HUWE1: variants seen among roughly 807,000 people sequenced by gnomAD.
The protein encoded by HUWE1 is E3 ubiquitin-protein ligase HUWE1.
Under a neutral mutation model 299.4 loss-of-function variants are expected in HUWE1, and 18 were observed. That is an observed-to-expected ratio of 0.06 (90% confidence interval 0.04 to 0.09). HUWE1 has a LOEUF of 0.09. Among genes scored for constraint, HUWE1 ranks in the 10% least tolerant of loss-of-function variants. The pLI, the probability that HUWE1 is intolerant of heterozygous loss-of-function variation, is 1.00. For missense variants in HUWE1, 1,832 were observed against 3,462.3 expected, an observed-to-expected ratio of 0.53 and a Z score of 11.82; for synonymous variants, 1,317 against 1,286.1, an observed-to-expected ratio of 1.02 and a Z score of -0.51.
intron 3 of HUWE1, among the ~76,000 whole-genome samples, chrX:53,664,185 G>A (rs1205581541): frequency 9.0e-6 from 1 of 110,846 alleles, no homozygotes; most frequent in East Asian, 2.8e-4. Context: ...AGAGTAGCTG[G>A]GACCACAGGC....
At chrX:53,665,184 T>C (rs184504363) in intron 3 of HUWE1, among the ~76,000 whole-genome samples, 1 of 111,633 alleles carries the variant, frequency 9.0e-6, no homozygotes, top group Non-Finnish European at 1.9e-5. Context: ...CTCCCTATCC[T>C]TAGCCACATA....
chrX:53,538,589 G>C, intron 76 of HUWE1, 135 bp from the exon 77 acceptor site: 1 of 564,173 alleles, frequency 1.8e-6, no homozygotes, highest in Non-Finnish European at 3.0e-6. Context: ...CAAAACCAAG[G>C]GCCAGCCCTT....
chrX:53,568,251 C>T (rs1468931813), intron 49 of HUWE1, among the ~76,000 whole-genome samples: 2 of 110,906 alleles, frequency 1.8e-5, no homozygotes, highest in Non-Finnish European at 3.8e-5. Flanking sequence ...AAAATAAAAA[C>T]GAAAATGCCC....
At chrX:53,636,007 GA>G (rs1459463576) in intron 7 of HUWE1, among the ~76,000 whole-genome samples, 1 of 112,574 alleles carries the variant, frequency 8.9e-6, no homozygotes, top group African/African-American at 3.2e-5. Context: ...TATCATATAT[GA>G]AACACAGAAC....
intron 6 of HUWE1, among the ~76,000 whole-genome samples, chrX:53,645,765 ATATATATATATG>A: frequency 3.6e-5 from 3 of 83,627 alleles, no homozygotes; most frequent in Non-Finnish European, 4.5e-5. Flanking sequence ...ATATATATAT[ATATATATATATG>A]TATTTGATAA....
chrX:53,625,064 C>T, intron 18 of HUWE1, 93 bp downstream of exon 18: 1 of 603,981 alleles, frequency 1.7e-6, no homozygotes, highest in Non-Finnish European at 2.9e-6. Flanking sequence ...CAAAGACTGC[C>T]TTGTAAAACA....
intron 66 of HUWE1, among the ~76,000 whole-genome samples, chrX:53,549,898 G>A (rs1443654083): frequency 2.7e-5 from 3 of 109,775 alleles, no homozygotes; most frequent in African/African-American, 6.7e-5. Context: ...GATTACTAGT[G>A]CGCGCCACCA....
chrX:53,573,225 A>G (rs1181472174), intron 47 of HUWE1, among the ~76,000 whole-genome samples: 1 of 111,613 alleles, frequency 9.0e-6, no homozygotes, highest in Non-Finnish European at 1.9e-5. Context: ...AACCTAATGA[A>G]AAAAGGCCTA....
intron 29 of HUWE1, among the ~76,000 whole-genome samples, chrX:53,596,685 G>T (rs2064497139): frequency 8.9e-6 from 1 of 112,011 alleles, no homozygotes; most frequent in Admixed American, 9.5e-5. Flanking sequence ...ATCTCTCATG[G>T]TTCTCGCATT....
At chrX:53,544,450 T>C in intron 72 of HUWE1, 110 bp downstream of exon 72, 1 of 597,629 alleles carries the variant, frequency 1.7e-6, no homozygotes, top group Non-Finnish European at 2.8e-6. Flanking sequence ...TCATTTTCCT[T>C]TTGGAAAGGT....
intron 7 of HUWE1, among the ~76,000 whole-genome samples, chrX:53,640,770 C>T (rs1402271759): frequency 8.9e-6 from 1 of 112,126 alleles, no homozygotes; most frequent in Non-Finnish European, 1.9e-5. Flanking sequence ...AAAGGAAGAA[C>T]AACAACTGGA....
intron 60 of HUWE1, chrX:53,557,049 G>A: frequency 3.0e-6 from 1 of 336,553 alleles, no homozygotes; most frequent in Non-Finnish European, 5.5e-6. Context: ...CTTCAAAGAT[G>A]TACATGAACA....
At chrX:53,578,596 T>C (rs1440627410) in intron 43 of HUWE1, among the ~76,000 whole-genome samples, 57 of 42,650 alleles carry the variant, frequency 1.3e-3, no homozygotes, top group African/African-American at 2.4e-3. Flanking sequence ...GTCAGCCCCC[T>C]GCCCGGCCAG....
rs2062956234 is a variant in HUWE1 at position 53,573,844 on chromosome X, C to T, written c.6218G>A (p.Arg2073His). ...KPLMPTSTIL[R>H]LLAELVRSYV... is the part of the protein sequence containing the mutation. ...GGACCTCACCAACTCTGCCAGAAGA[C>T]GAAGGATAGTGGAGGTAGGCATTAA... The change falls in exon 47 of 84, where the codon CGT becomes CAT. Residue 2073 changes from arginine (R) to histidine (H), a missense_variant. By Grantham distance (29) the Arg-to-His change is conservative (BLOSUM62 0). Around this residue, in one of 15 missense-constraint regions of HUWE1, gnomAD observed 157 missense variants for 252.3 expected, o/e 0.62. Transcript: ENST00000262854. 2.5e-6 allele frequency: 3 copies of T among 1,210,926 alleles called. No individual in the cohort carries two copies. Among genetic ancestry groups the T allele is most frequent in the Non-Finnish European group, 2.2e-6 (2 of 894,589 alleles).
chrX:53,603,248 A>G (rs782481950), intron 27 of HUWE1, 120 bp downstream of exon 27: 2 of 645,850 alleles, frequency 3.1e-6, no homozygotes, highest in African/African-American at 2.2e-5. Flanking sequence ...GGCTGGGAAG[A>G]GGGAAGGACA....
chrX:53,583,642 G>A lies in HUWE1; in HGVS notation c.5436C>T (p.Gly1812=). ...RMILNLTQSS[G]FNGFTPLVTL... ...TGACCAGGGGAGTAAACCCATTGAAGCCTGAGCTCTGGGTCAAATTCAAGA... is the reference window on the plus strand; with the variant it reads ...TGACCAGGGGAGTAAACCCATTGAAACCTGAGCTCTGGGTCAAATTCAAGA... Residue 1812 remains glycine, a synonymous_variant, in exon 42 of 84, where the codon GGC becomes GGT. Transcript: ENST00000262854. 1 of 1,210,858 alleles carries A rather than the reference G, an allele frequency of 8.3e-7. No homozygotes were observed. The highest frequency in any genetic ancestry group is 1.1e-6 in the Non-Finnish European group (1 of 894,732).
chrX:53,541,682 T>G (rs1364924874), intron 74 of HUWE1, among the ~76,000 whole-genome samples: 1 of 110,967 alleles, frequency 9.0e-6, no homozygotes, highest in Non-Finnish European at 1.9e-5. Context: ...CTGGGCAACA[T>G]AGTGAGACTC....
intron 7 of HUWE1, among the ~76,000 whole-genome samples, chrX:53,640,770 C>G (rs1402271759): frequency 8.9e-6 from 1 of 112,126 alleles, no homozygotes; most frequent in Non-Finnish European, 1.9e-5. Flanking sequence ...AAAGGAAGAA[C>G]AACAACTGGA....
intron 79 of HUWE1, 24 bp from the exon 80 acceptor site, chrX:53,536,276 G>C (rs781814063): frequency 1.1e-4 from 122 of 1,147,211 alleles, no homozygotes; most frequent in Non-Finnish European, 1.4e-4. Context: ...ATTATACAGG[G>C]TCATGGTTTG....
Sources: gnomAD v4.1 joint callset for allele counts (sites outside exome capture counted in the v4.1 genomes callset) on GRCh38, gnomAD v4.1.1 for gene constraint, gnomAD v4.1.1 regional missense constraint, MANE v1.5 for transcripts, NCBI Gene and HGNC (gene_info 2026-07-23, HGNC 2026-07-21) for gene names.